Variants in OSBPL10 observed in about 807,000 individuals in gnomAD.
The protein encoded by OSBPL10 is oxysterol binding protein like 10, also known as oxysterol-binding protein-related protein 10.
OSBPL10 carries 49 observed loss-of-function variants against 81.7 expected under a neutral mutation model. The observed-to-expected ratio is 0.60, with a 90% CI of 0.48 to 0.76. The LOEUF (loss-of-function observed/expected upper bound fraction) is 0.76, where lower values mean the gene tolerates loss of function less well. Among genes scored for constraint, OSBPL10 ranks in the 30% least tolerant of loss-of-function variants. OSBPL10 has a pLI of 0.00. For synonymous variants in OSBPL10, 419 were observed against 383.6 expected (o/e 1.09, Z -1.08); for missense variants, 923 against 987.8 (o/e 0.93, Z 0.88).
intron 4 of OSBPL10, among the ~76,000 whole-genome samples, chr3:31,784,350 T>TGGGAAAGGAAA (rs1698802176): frequency 1.6e-5 from 2 of 126,898 alleles, no homozygotes; most frequent in Admixed American, 8.9e-5. Context: ...GTGACAGAGA[T>TGGGAAAGGAAA]GGGAAAGGAA....
chr3:31,740,870 T>TATATATATATATATATATA (rs1553620070), intron 5 of OSBPL10, among the ~76,000 whole-genome samples: 7 of 149,432 alleles, frequency 4.7e-5, no homozygotes, highest in African/African-American at 1.5e-4. Flanking sequence ...TATATATATG[T>TATATATATATATATATATA]CATATTTCTT....
At chr3:31,953,224 C>T (rs935022616) in intron 1 of OSBPL10, among the ~76,000 whole-genome samples, 2 of 152,004 alleles carry the variant, frequency 1.3e-5, no homozygotes, top group African/African-American at 2.4e-5. Context: ...TGAGCCAGCG[C>T]GCCCGGTCCT....
intron 4 of OSBPL10, among the ~76,000 whole-genome samples, chr3:31,790,320 G>A (rs1268180047): frequency 2.0e-5 from 3 of 152,296 alleles, no homozygotes; most frequent in South Asian, 4.1e-4. Flanking sequence ...AAATTAGGAT[G>A]ACTTTTCTCC....
chr3:31,766,514 T>C (rs1452996268), intron 4 of OSBPL10, among the ~76,000 whole-genome samples: 1 of 151,844 alleles, frequency 6.6e-6, no homozygotes, highest in Non-Finnish European at 1.5e-5. Flanking sequence ...AGATAATTTT[T>C]ATTTTGGTAG....
chr3:31,948,614 TAA>T (rs1343085577), intron 1 of OSBPL10, among the ~76,000 whole-genome samples: 1 of 152,240 alleles, frequency 6.6e-6, no homozygotes, highest in Non-Finnish European at 1.5e-5. Context: ...GCTGACTTTA[TAA>T]AGTTTCACGT....
chr3:31,981,105 G>T lies in OSBPL10; in HGVS notation c.75C>A (p.Thr25=). The T allele has an allele frequency of 6.7e-7, 1 of 1,493,384 alleles. No individual in the cohort carries two copies. The highest frequency in any genetic ancestry group is 1.5e-5 in the African/African-American group (1 of 68,434). The allele number at this position is 1,493,384 out of a possible 1,614,324, so 92.5% of individuals were successfully genotyped here. Residue 25 remains threonine, a synonymous_variant, in exon 1 of 12, where the codon ACC becomes ACA. Transcript: ENST00000396556. This position sits in a 1 kb window ranked among gnomAD's most constrained non-coding sequence, Gnocchi z 4.5. ...NSSSRSSSRA[T]SAGSSPSCSL... Reference sequence around the variant, plus strand: ...AGCAGGAGGGCGAGGAGCCCGCCGAGGTAGCACGGCTGCTGCTGCGGCTGC... The same window carrying T: ...AGCAGGAGGGCGAGGAGCCCGCCGATGTAGCACGGCTGCTGCTGCGGCTGC...
At chr3:31,847,246 G>C (rs1226826224) in intron 3 of OSBPL10, among the ~76,000 whole-genome samples, 4 of 150,740 alleles carry the variant, frequency 2.7e-5, no homozygotes, top group Admixed American at 2.6e-4. Context: ...GCCCAGGCTA[G>C]AGTACAGTGG....
intron 2 of OSBPL10, chr3:31,989,187 G>T (rs1213021754): frequency 1.2e-6 from 2 of 1,614,168 alleles, no homozygotes; most frequent in Non-Finnish European, 1.7e-6. Context: ...TCTCTTTGGA[G>T]GAGTGGAAAT....
At chr3:31,964,840 C>A (rs1698269201) in intron 1 of OSBPL10, among the ~76,000 whole-genome samples, 1 of 152,098 alleles carries the variant, frequency 6.6e-6, no homozygotes. Context: ...TGTAAAAGAA[C>A]ACACAAATTC....
intron 3 of OSBPL10, among the ~76,000 whole-genome samples, chr3:31,848,829 A>C (rs1700696210): frequency 6.6e-6 from 1 of 152,244 alleles, no homozygotes; most frequent in African/African-American, 2.4e-5. Flanking sequence ...TTCTTTATTT[A>C]ATCACATCCT....
Position 31,749,764 on chromosome 3 carries a change from G to A in OSBPL10, c.730-1644C>T, listed in dbSNP as rs547916083. Among the ~76,000 whole-genome samples the A allele has an allele frequency of 2.6e-5, 4 of 152,276 alleles. No individual in the cohort carries two copies. In the South Asian group the frequency reaches 8.3e-4, roughly 32 times the overall value. On this transcript the variant is annotated intron_variant, in intron 4 of 11. Transcript: ENST00000396556. ...CAGGAGGCAGAGGTTGCAGTGAGCT[G>A]AGATGGCACCACTGTGCTCCAGCCT... is the stretch of plus-strand genomic sequence containing the variant.
At chr3:32,028,269 G>A (rs1453743951) in intron 2 of OSBPL10, among the ~76,000 whole-genome samples, 1 of 152,206 alleles carries the variant, frequency 6.6e-6, no homozygotes, top group Non-Finnish European at 1.5e-5. Context: ...AAATGTCTGA[G>A]AACCACTATA....
At chr3:31,674,339 A>T (rs62236741) in intron 8 of OSBPL10, among the ~76,000 whole-genome samples, 24,425 of 151,968 alleles carry the variant, frequency 0.16, 2,266 homozygotes, top group East Asian at 0.25. Flanking sequence ...GGATGGCTTG[A>T]GCCCAGGAGT....
At chr3:32,018,839 G>T in intron 2 of OSBPL10, among the ~76,000 whole-genome samples, 1 of 151,926 alleles carries the variant, frequency 6.6e-6, no homozygotes, top group Non-Finnish European at 1.5e-5. Flanking sequence ...GGAAATAATT[G>T]AATACAAACA....
At chr3:31,999,117 G>C (rs182407752) in intron 2 of OSBPL10, among the ~76,000 whole-genome samples, 4 of 152,262 alleles carry the variant, frequency 2.6e-5, no homozygotes, top group Admixed American at 1.3e-4. Flanking sequence ...CTGTTAGCTT[G>C]ATCAGCTGTC....
upstream of OSBPL10, chr3:31,981,937 A>G (rs1321448092): frequency 1.3e-5 from 2 of 152,230 alleles, no homozygotes; most frequent in South Asian, 2.1e-4. This position sits in a 1 kb window ranked among gnomAD's most constrained non-coding sequence, Gnocchi z 4.5. Context: ...CAGCAGGATT[A>G]TGATAAATGC....
At chr3:31,906,398 G>C (rs557398322) in intron 1 of OSBPL10, among the ~76,000 whole-genome samples, 1 of 152,196 alleles carries the variant, frequency 6.6e-6, no homozygotes, top group African/African-American at 2.4e-5. Context: ...TCTGGGCTTG[G>C]CATAGTGTTG....
chr3:31,861,786 T>C (rs72850581), intron 3 of OSBPL10, among the ~76,000 whole-genome samples: 83 of 152,294 alleles, frequency 5.4e-4, no homozygotes, highest in African/African-American at 1.7e-3. Flanking sequence ...ATTCTTTCTA[T>C]TCTGGGTGGC....
At chr3:31,808,564 T>C (rs1699579331) in intron 4 of OSBPL10, among the ~76,000 whole-genome samples, 1 of 152,112 alleles carries the variant, frequency 6.6e-6, no homozygotes, top group Non-Finnish European at 1.5e-5. Context: ...GTCCCCAGGC[T>C]GGGGGAAATG....
Sources: allele counts gnomAD v4.1 joint callset (sites outside exome capture counted in the v4.1 genomes callset), GRCh38; gene constraint gnomAD v4.1.1; non-coding constraint Gnocchi (gnomAD v3.1); transcripts MANE v1.5; gene names NCBI Gene and HGNC (gene_info 2026-07-23, HGNC 2026-07-21).